Variants in ANKFN1 observed in about 807,000 individuals in gnomAD.
The protein encoded by ANKFN1 is ankyrin repeat and fibronectin type-III domain-containing protein 1.
In ANKFN1, 74 loss-of-function variants were observed where a neutral mutation model predicts 108.7. The observed-to-expected ratio is 0.68, with a 90% confidence interval of 0.56 to 0.83. The LOEUF is 0.83. Ranked by LOEUF, ANKFN1 falls within the 40% of genes least tolerant of loss-of-function variation. The pLI, the probability that ANKFN1 is intolerant of heterozygous loss-of-function variation, is 0.00. For synonymous variants in ANKFN1, 547 were observed against 516.2 expected (o/e 1.06, Z -0.81); for missense variants, 1,505 against 1,382.3 (o/e 1.09, Z -1.41).
chr17:56,434,960 G>T (rs2048885736), intron 8 of ANKFN1, among the ~76,000 whole-genome samples: 1 of 152,148 alleles, frequency 6.6e-6, no homozygotes, highest in South Asian at 2.1e-4. Context: ...TGCTGTTTTG[G>T]TTCCATCGAA....
rs143629112 is a variant in ANKFN1 at position 56,235,825 on chromosome 17, G to A, written c.53+7868G>A. Among the ~76,000 whole-genome samples, 53 of 152,144 alleles carry A rather than the reference G, an allele frequency of 3.5e-4. No individual in the cohort carries two copies. The East Asian group carries it at 8.7e-3, about 25-fold the overall frequency. ...TTTGTTCTTTCTGCTTAGGATTGCT[G>A]TAGCTATTCAGACTCTTTTTTGGTT... On this transcript the variant is annotated intron_variant, in intron 3 of 20. Transcript: ENST00000682825.
At chr17:56,114,739 G>A (rs1032420275) in intron 4 of ANKFN1, among the ~76,000 whole-genome samples, 12 of 152,144 alleles carry the variant, frequency 7.9e-5, no homozygotes, top group African/African-American at 9.7e-5. Context: ...CTAATCAGCC[G>A]ATCTTAAAAT....
At chr17:56,184,083 G>C (rs1210439378) in intron 1 of ANKFN1, among the ~76,000 whole-genome samples, 1 of 152,176 alleles carries the variant, frequency 6.6e-6, no homozygotes, top group Non-Finnish European at 1.5e-5. Flanking sequence ...AAACTTACTT[G>C]AGAAAGCAGT....
At chr17:56,085,781 G>A (rs965785788) in intron 4 of ANKFN1, among the ~76,000 whole-genome samples, 1 of 151,236 alleles carries the variant, frequency 6.6e-6, no homozygotes, top group Non-Finnish European at 1.5e-5. Context: ...GGTTACCATG[G>A]TCCCCACCAC....
At chr17:56,055,580 T>TATAC in intron 4 of ANKFN1, among the ~76,000 whole-genome samples, 1 of 110,642 alleles carries the variant, frequency 9.0e-6, no homozygotes, top group East Asian at 2.3e-4. Context: ...TATATATATA[T>TATAC]ATATATATGT....
At chr17:56,404,382 G>T (rs1468732191) in intron 8 of ANKFN1, among the ~76,000 whole-genome samples, 1 of 152,058 alleles carries the variant, frequency 6.6e-6, no homozygotes, top group African/African-American at 2.4e-5. Flanking sequence ...GTCTTTGTTA[G>T]ATTAGGTTAA....
At position 56,367,834 on chromosome 17, in the gene ANKFN1, T is replaced by C. The variant is rs527238997; in HGVS notation, c.602-4812T>C. 2.0e-5 allele frequency among the ~76,000 whole-genome samples: 3 copies of C among 152,316 alleles called. No individual in the cohort carries two copies. In the South Asian group the frequency reaches 6.2e-4, roughly 32 times the overall value. ...TAAAACAGACATAGCCTTTCTATTT[T>C]CTAAATCAAACCAACCAGCCAAACT... On this transcript the variant is annotated intron_variant, in intron 6 of 20. Transcript: ENST00000682825.
At chr17:56,083,460 GC>G (rs1287772576) in intron 4 of ANKFN1, among the ~76,000 whole-genome samples, 1 of 151,198 alleles carries the variant, frequency 6.6e-6, no homozygotes, top group African/African-American at 2.4e-5. Context: ...TTTAAAAAGA[GC>G]TTCTACATCC....
At chr17:56,111,242 C>G (rs1598099033) in intron 4 of ANKFN1, among the ~76,000 whole-genome samples, 1 of 152,190 alleles carries the variant, frequency 6.6e-6, no homozygotes, top group Non-Finnish European at 1.5e-5. Context: ...CCCATGTGCT[C>G]ACCTCCACCT....
At chr17:56,278,538 A>T (rs1166627920) in intron 3 of ANKFN1, among the ~76,000 whole-genome samples, 1 of 152,204 alleles carries the variant, frequency 6.6e-6, no homozygotes, top group Non-Finnish European at 1.5e-5. Flanking sequence ...TCCAAGCAGG[A>T]CAGCTTTAAG....
At chr17:56,355,771 A>G (rs902616252) in intron 6 of ANKFN1, among the ~76,000 whole-genome samples, 10 of 152,082 alleles carry the variant, frequency 6.6e-5, no homozygotes, top group African/African-American at 2.4e-4. Context: ...TTCTGGATAT[A>G]TTTTTAACAG....
intron 1 of ANKFN1, among the ~76,000 whole-genome samples, chr17:56,210,069 G>GATAGATAC (rs1914863023): frequency 1.3e-5 from 2 of 148,650 alleles, no homozygotes; most frequent in African/African-American, 5.0e-5. Context: ...TACATAGATA[G>GATAGATAC]ATAGATAGAT....
chr17:56,475,371 A>G lies in ANKFN1; in HGVS notation c.1774-2117A>G, dbSNP rs533085464. Reference sequence around the variant, plus strand: ...GTGCCTGACACATTATAGGGACTCAATATGTGTTTGATAAAGGATGAGACA... The same window carrying G: ...GTGCCTGACACATTATAGGGACTCAGTATGTGTTTGATAAAGGATGAGACA... On this transcript the variant is annotated intron_variant, in intron 15 of 20. Transcript: ENST00000682825. Among the ~76,000 whole-genome samples, 7 of 152,264 alleles carry G rather than the reference A, an allele frequency of 4.6e-5. No individual in the cohort carries two copies. The South Asian group carries it at 1.2e-3, about 27-fold the overall frequency.
At chr17:56,428,467 T>C (rs1229791554) in intron 8 of ANKFN1, among the ~76,000 whole-genome samples, 2 of 150,424 alleles carry the variant, frequency 1.3e-5, no homozygotes, top group African/African-American at 2.4e-5. Flanking sequence ...TTTTTCTTTT[T>C]TTTTTTTTTT....
At chr17:56,420,688 T>C (rs1340762216) in intron 8 of ANKFN1, among the ~76,000 whole-genome samples, 6 of 150,522 alleles carry the variant, frequency 4.0e-5, no homozygotes, top group African/African-American at 1.5e-4. Flanking sequence ...TCCTTCTTTT[T>C]TTTTTTTTTT....
rs376592535 is a variant in ANKFN1 at position 56,442,837 on chromosome 17, T to C, written c.1009-6T>C. 6.2e-7 allele frequency: 1 copy of C among 1,613,272 alleles called. No homozygotes were observed. Among genetic ancestry groups the C allele is most frequent in the Non-Finnish European group, 8.5e-7 (1 of 1,179,460 alleles). On this transcript the variant is annotated splice_region_variant and splice_polypyrimidine_tract_variant and intron_variant, in intron 9 of 20. Transcript: ENST00000682825. ...ATGCCTGATGCATCATTTCAATACT[T>C]TGCAGGGCCAACAGTATTTTGTTCA...
intron 15 of ANKFN1, among the ~76,000 whole-genome samples, chr17:56,473,866 G>T (rs934771283): frequency 6.6e-5 from 10 of 151,882 alleles, no homozygotes; most frequent in Non-Finnish European, 1.3e-4. Flanking sequence ...GAATGCTGTT[G>T]GTTTTTATAT....
At chr17:56,090,746 A>C (rs964670594) in intron 4 of ANKFN1, among the ~76,000 whole-genome samples, 2 of 150,774 alleles carry the variant, frequency 1.3e-5, no homozygotes, top group Non-Finnish European at 3.0e-5. Context: ...AGCTGCAACT[A>C]CAGGCACGCA....
chr17:56,336,519 G>A (rs1409739905), intron 4 of ANKFN1, among the ~76,000 whole-genome samples: 3 of 152,136 alleles, frequency 2.0e-5, no homozygotes, highest in African/African-American at 7.2e-5. Flanking sequence ...AGCGTTTATA[G>A]TATTCTCTGA....
Sources: allele counts gnomAD v4.1 joint callset (sites outside exome capture counted in the v4.1 genomes callset), GRCh38; gene constraint gnomAD v4.1.1; transcripts MANE v1.5; gene names NCBI Gene and HGNC (gene_info 2026-07-23, HGNC 2026-07-21).